CLSTN1: variants seen among roughly 807,000 people sequenced by gnomAD.
CLSTN1 encodes calsyntenin-1.
Under a neutral mutation model 108.3 loss-of-function variants are expected in CLSTN1, and 28 were observed. The ratio of observed to expected loss-of-function variants is 0.26; its 90% CI spans 0.19 to 0.35. The LOEUF is 0.35. Among genes scored for constraint, CLSTN1 ranks in the 10% least tolerant of loss-of-function variants. The pLI is 1.00. For missense variants in CLSTN1, 1,157 were observed against 1,302.6 expected (o/e 0.89, Z 1.72); for synonymous variants, 524 against 534.9 (o/e 0.98, Z 0.28).
intron 1 of CLSTN1, among the ~76,000 whole-genome samples, chr1:9,796,918 G>A (rs113988454): frequency 3.2e-4 from 49 of 152,306 alleles, no homozygotes; most frequent in African/African-American, 1.2e-3. Context: ...ACGGAGCAGA[G>A]TGGAGAGTCA....
chr1:9,751,957 A>G (rs1240458273), intron 4 of CLSTN1, among the ~76,000 whole-genome samples: 3 of 152,208 alleles, frequency 2.0e-5, no homozygotes, highest in African/African-American at 7.2e-5. Flanking sequence ...TCTAAAATAA[A>G]AGAGACTTGG....
chr1:9,792,875 C>T (rs1460565475), intron 1 of CLSTN1, among the ~76,000 whole-genome samples: 1 of 151,286 alleles, frequency 6.6e-6, no homozygotes, highest in Non-Finnish European at 1.5e-5. Flanking sequence ...AGTCCTATTC[C>T]AGAGCTAAGT....
At chr1:9,788,091 C>CA (rs1165543906) in intron 1 of CLSTN1, among the ~76,000 whole-genome samples, 1 of 151,196 alleles carries the variant, frequency 6.6e-6, no homozygotes, top group African/African-American at 2.4e-5. Flanking sequence ...CCCGTCTCTA[C>CA]AAAAAATACA....
chr1:9,823,576 C>T lies in CLSTN1; in HGVS notation c.91+67G>A, dbSNP rs957062823. 3 of 1,071,814 alleles carry T rather than the reference C, an allele frequency of 2.8e-6. No individual in the cohort carries two copies. Among genetic ancestry groups the T allele is most frequent in the Non-Finnish European group, 3.5e-6 (3 of 858,150 alleles). The allele number at this position is 1,071,814 out of a possible 1,614,324, so 66.4% of individuals were successfully genotyped here. ...CCGGACCCGAATCCCCGCACCGGGACCCGAATCCTGCACCCGGACCCGAAT... is the reference window on the plus strand; with the variant it reads ...CCGGACCCGAATCCCCGCACCGGGATCCGAATCCTGCACCCGGACCCGAAT... On this transcript the variant is annotated intron_variant, in intron 1 of 18. Coordinates refer to ENST00000377298, the MANE Select transcript of CLSTN1 (RefSeq NM_001009566.3). This position sits in a 1 kb window ranked among gnomAD's most constrained non-coding sequence, Gnocchi z 6.3.
intron 16 of CLSTN1, 25 bp from the exon 17 acceptor site, chr1:9,731,921 C>T (rs180915563): frequency 5.6e-6 from 9 of 1,613,854 alleles, no homozygotes; most frequent in Non-Finnish European, 7.6e-6. Context: ...GAGAGGATCG[C>T]TGGAGACAGG....
chr1:9,748,679 G>A (rs568318980), intron 7 of CLSTN1, among the ~76,000 whole-genome samples: 1 of 152,096 alleles, frequency 6.6e-6, no homozygotes, highest in Non-Finnish European at 1.5e-5. Flanking sequence ...GTAGAGACAG[G>A]GTTTTCTCCA....
intron 13 of CLSTN1, 42 bp downstream of exon 13, chr1:9,735,424 GT>G (rs1239039353): frequency 6.2e-7 from 1 of 1,613,626 alleles, no homozygotes; most frequent in South Asian, 1.1e-5. Context: ...ATATACAAGT[GT>G]CATTGGGCAA....
Position 9,737,558 on chromosome 1 carries a change from T to C in CLSTN1, c.1520-4A>G. The C allele has an allele frequency of 1.9e-6, 3 of 1,613,798 alleles. No homozygotes were observed. Among genetic ancestry groups the C allele is most frequent in the Non-Finnish European group, 2.5e-6 (3 of 1,179,760 alleles). On this transcript the variant is annotated splice_polypyrimidine_tract_variant and splice_region_variant and intron_variant, in intron 10 of 18. Coordinates refer to ENST00000377298, the MANE Select transcript of CLSTN1 (RefSeq NM_001009566.3). ...TCATTTTCAACTCCTGAAAACTCTG[T>C]GGAAAAGCAAGACAAAGACAATAGA... is the stretch of plus-strand genomic sequence containing the variant.
chr1:9,793,710 G>A (rs561215425), intron 1 of CLSTN1, among the ~76,000 whole-genome samples: 43 of 151,652 alleles, frequency 2.8e-4, no homozygotes, highest in African/African-American at 1.0e-3. Flanking sequence ...TCTTCTAAGA[G>A]ATTAACTTGC....
rs1257860388 is a variant in CLSTN1 at position 9,773,305 on chromosome 1, C to T, written c.181G>A (p.Ala61Thr). The T allele has an allele frequency of 3.7e-6, 6 of 1,614,068 alleles. No individual in the cohort carries two copies. Among genetic ancestry groups the T allele is most frequent in the South Asian group, 2.2e-5 (2 of 91,078 alleles). Reference sequence around the variant, plus strand: ...CGCAGAGGCGCATCTTTATCCAGCGCGATCAGTGGGGGGTCGAGGAGCACG... The same window carrying T: ...CGCAGAGGCGCATCTTTATCCAGCGTGATCAGTGGGGGGTCGAGGAGCACG... ...NTVLLDPPLI[A>T]LDKDAPLRFA... The change falls in exon 2 of 19, where the codon GCG (alanine) becomes ACG (threonine). Residue 61 changes from alanine to threonine, a missense_variant. Ala to Thr is a moderately conservative substitution (Grantham distance 58, BLOSUM62 0). Transcript: ENST00000377298.
intron 1 of CLSTN1, among the ~76,000 whole-genome samples, chr1:9,816,907 G>A (rs1355799066): frequency 2.6e-5 from 4 of 152,108 alleles, no homozygotes; most frequent in South Asian, 4.1e-4. Context: ...TCGGCCTCCC[G>A]AAGTGCTAGG....
chr1:9,739,627 T>C (rs1047510677), intron 10 of CLSTN1, among the ~76,000 whole-genome samples: 5 of 152,066 alleles, frequency 3.3e-5, no homozygotes, highest in African/African-American at 1.2e-4. Flanking sequence ...GAGGATCTCT[T>C]GAGCCCAGGA....
intron 7 of CLSTN1, among the ~76,000 whole-genome samples, chr1:9,745,192 G>A (rs1325040014): frequency 7.0e-6 from 1 of 142,288 alleles, no homozygotes; most frequent in Non-Finnish European, 1.5e-5. Context: ...TCGCACCCCT[G>A]CACTCCAGCC....
At chr1:9,796,552 C>T (rs1433181710) in intron 1 of CLSTN1, among the ~76,000 whole-genome samples, 4 of 150,004 alleles carry the variant, frequency 2.7e-5, no homozygotes, top group African/African-American at 9.7e-5. Context: ...GACGTGGTGG[C>T]AGGCGCCTGT....
rs756745445 is a variant in CLSTN1, at chr1:9,751,608, T to C, written c.514A>G (p.Thr172Ala). The C allele has an allele frequency of 1.5e-5, 25 of 1,614,046 alleles. No homozygotes were observed. Among genetic ancestry groups the C allele is most frequent in the Middle Eastern group, 3.3e-4 (2 of 6,084 alleles). ...TCGTACTGCTTCCCCTCGATGACCG[T>C]GGCTTTGTAGGACTTCTCCTTGAAC... ...PVFKEKSYKA[T>A]VIEGKQYDSI... The change falls in exon 5 of 19, where the codon ACG becomes GCG. Residue 172 changes from threonine to alanine, a missense_variant. Thr to Ala is a moderately conservative substitution (Grantham distance 58). Transcript: ENST00000377298.
intron 1 of CLSTN1, among the ~76,000 whole-genome samples, chr1:9,782,931 T>C (rs1315826058): frequency 1.3e-5 from 2 of 152,192 alleles, no homozygotes; most frequent in African/African-American, 4.8e-5. Context: ...AGCTGGAACC[T>C]GGGAGGCGGA....
At chr1:9,753,337 A>G (rs895201545) in intron 4 of CLSTN1, among the ~76,000 whole-genome samples, 2 of 152,086 alleles carry the variant, frequency 1.3e-5, no homozygotes, top group African/African-American at 4.8e-5. Flanking sequence ...GCCACGGACC[A>G]GTACTGGCCC....
At chr1:9,739,840 G>A (rs1471695178) in intron 10 of CLSTN1, among the ~76,000 whole-genome samples, 2 of 141,892 alleles carry the variant, frequency 1.4e-5, no homozygotes, top group Non-Finnish European at 3.0e-5. Flanking sequence ...TTTTTGAGAC[G>A]GAGTTTCGCT....
chr1:9,824,319 T>G (rs2101373974), upstream of CLSTN1: 1 of 151,826 alleles, frequency 6.6e-6, no homozygotes, highest in East Asian at 2.0e-4. The surrounding 1 kb of genome is among the most constrained non-coding windows in gnomAD (Gnocchi z 5.0). Context: ...TAAGGCCGGG[T>G]GAGCGGTACC....
Sources: gnomAD v4.1 joint callset for allele counts (sites outside exome capture counted in the v4.1 genomes callset) on GRCh38, gnomAD v4.1.1 for gene constraint, Gnocchi (gnomAD v3.1) non-coding constraint, MANE v1.5 for transcripts, NCBI Gene and HGNC (gene_info 2026-07-23, HGNC 2026-07-21) for gene names.